The following SDK1 variants were observed in gnomAD, a reference collection of about 807,000 sequenced individuals.
The protein encoded by SDK1 is protein sidekick-1.
A neutral mutation model predicts 245.5 loss-of-function variants in SDK1; 157 were observed. The ratio of observed to expected loss-of-function variants is 0.64; its 90% CI spans 0.56 to 0.73. SDK1 has a LOEUF of 0.73. Among genes scored for constraint, SDK1 ranks in the 30% least tolerant of loss-of-function variants. The pLI, the probability that SDK1 is intolerant of heterozygous loss-of-function variation, is 0.00. For missense variants in SDK1, 3,583 were observed against 3,002.3 expected (o/e 1.19, Z -4.52); for synonymous variants, 1,647 against 1,278.5 (o/e 1.29, Z -6.15).
Position 4,114,286 on chromosome 7 carries a change from G to A in SDK1, c.3823+12G>A, listed in dbSNP as rs777383212. 10 of 1,578,384 alleles carry A rather than the reference G, an allele frequency of 6.3e-6. No homozygotes were observed. The highest frequency in any genetic ancestry group is 6.9e-6 in the Non-Finnish European group (8 of 1,162,316). ...GACGCGGGAGTCAGGTGAGGGGAAGGCGATTCCCATCCTGGAGACACCGCA... is the reference window on the plus strand; with the variant it reads ...GACGCGGGAGTCAGGTGAGGGGAAGACGATTCCCATCCTGGAGACACCGCA... On this transcript the variant is annotated intron_variant, in intron 25 of 44. Transcript: ENST00000404826.
At chr7:4,019,676 C>T (rs1039076377) in intron 17 of SDK1, among the ~76,000 whole-genome samples, 12 of 151,952 alleles carry the variant, frequency 7.9e-5, no homozygotes, top group African/African-American at 2.7e-4. Flanking sequence ...TTCCCATCTG[C>T]AGCTCGGCTT....
intron 5 of SDK1, among the ~76,000 whole-genome samples, chr7:3,838,786 G>T (rs1036688462): frequency 6.6e-6 from 1 of 152,124 alleles, no homozygotes; most frequent in Non-Finnish European, 1.5e-5. Context: ...AGTGGGTGTC[G>T]ATCAAAATGT....
intron 1 of SDK1, among the ~76,000 whole-genome samples, chr7:3,617,467 G>T (rs1184829671): frequency 6.6e-6 from 1 of 152,214 alleles, no homozygotes; most frequent in African/African-American, 2.4e-5. Flanking sequence ...AGCATCCTAG[G>T]TAGAGGAAAG....
chr7:3,765,320 C>T (rs1368521835), intron 4 of SDK1, among the ~76,000 whole-genome samples: 1 of 152,154 alleles, frequency 6.6e-6, no homozygotes, highest in Non-Finnish European at 1.5e-5. Flanking sequence ...AATATATGCC[C>T]ATGAAAATAC....
chr7:3,933,085 CCATCCTCCG>C (rs1780035816), intron 5 of SDK1, among the ~76,000 whole-genome samples: 1 of 151,498 alleles, frequency 6.6e-6, no homozygotes. Context: ...AATCCTCTCT[CCATCCTCCG>C]CATCCTCCGG....
chr7:3,465,691 C>T (rs546379164), intron 1 of SDK1, among the ~76,000 whole-genome samples: 22 of 152,214 alleles, frequency 1.4e-4, no homozygotes, highest in Middle Eastern at 3.4e-3. Flanking sequence ...TTGTCACCTC[C>T]GTATATGATC....
intron 2 of SDK1, among the ~76,000 whole-genome samples, chr7:3,621,108 G>C (rs1169280657): frequency 6.6e-6 from 1 of 152,192 alleles, no homozygotes; most frequent in African/African-American, 2.4e-5. Context: ...CTCATTTGCA[G>C]TGTTGTGAGC....
intron 5 of SDK1, among the ~76,000 whole-genome samples, chr7:3,835,867 T>A (rs1183935971): frequency 6.6e-6 from 1 of 152,230 alleles, no homozygotes; most frequent in Non-Finnish European, 1.5e-5. Context: ...ATCCTGAGTT[T>A]CTGCCACTTA....
intron 13 of SDK1, among the ~76,000 whole-genome samples, chr7:3,975,054 A>G (rs1255117782): frequency 1.3e-5 from 2 of 152,044 alleles, no homozygotes; most frequent in African/African-American, 4.8e-5. Flanking sequence ...ACAGAAAGCA[A>G]CTGCCCGTTA....
chr7:3,545,448 A>G (rs1779190439), intron 1 of SDK1, among the ~76,000 whole-genome samples: 1 of 152,184 alleles, frequency 6.6e-6, no homozygotes, highest in Non-Finnish European at 1.5e-5. Flanking sequence ...GGTTTTCCTC[A>G]TAGCTGTCCC....
At chr7:3,502,759 A>G (rs1782258707) in intron 1 of SDK1, among the ~76,000 whole-genome samples, 1 of 152,212 alleles carries the variant, frequency 6.6e-6, no homozygotes, top group African/African-American at 2.4e-5. Flanking sequence ...TGGAATGAGT[A>G]TATCAGGCTA....
chr7:3,903,982 G>C (rs763643663), intron 5 of SDK1, among the ~76,000 whole-genome samples: 1 of 152,100 alleles, frequency 6.6e-6, no homozygotes, highest in East Asian at 1.9e-4. Flanking sequence ...TCCACCATGA[G>C]TGGAAGCAGC....
chr7:3,955,774 G>T (rs549995196), intron 7 of SDK1, among the ~76,000 whole-genome samples: 3 of 152,204 alleles, frequency 2.0e-5, no homozygotes, highest in Non-Finnish European at 2.9e-5. Context: ...TTGTTGGGGG[G>T]TCCTTCTCCA....
At chr7:3,359,572 G>C (rs1780897609) in intron 1 of SDK1, among the ~76,000 whole-genome samples, 1 of 152,126 alleles carries the variant, frequency 6.6e-6, no homozygotes. Context: ...GATGCATTCA[G>C]ATAAACATTT....
At chr7:4,194,384 ATACATG>A (rs1783451177) in intron 35 of SDK1, among the ~76,000 whole-genome samples, 1 of 112,516 alleles carries the variant, frequency 8.9e-6, no homozygotes, top group East Asian at 2.1e-4. Flanking sequence ...ATGTATGTGT[ATACATG>A]TATACATATA....
intron 4 of SDK1, among the ~76,000 whole-genome samples, chr7:3,812,712 A>G (rs1416675206): frequency 1.3e-5 from 2 of 152,112 alleles, no homozygotes; most frequent in Non-Finnish European, 2.9e-5. Context: ...TCTTTCTCCT[A>G]CTGCAGAAGT....
At chr7:3,805,187 A>G (rs1779210640) in intron 4 of SDK1, among the ~76,000 whole-genome samples, 1 of 152,232 alleles carries the variant, frequency 6.6e-6, no homozygotes, top group African/African-American at 2.4e-5. Flanking sequence ...TATGCTACTA[A>G]AAAATACAGT....
At chr7:3,458,458 A>G (rs534054703) in intron 1 of SDK1, among the ~76,000 whole-genome samples, 1 of 152,068 alleles carries the variant, frequency 6.6e-6, no homozygotes, top group African/African-American at 2.4e-5. Context: ...TCCTGGATTT[A>G]TCTTCAAATT....
intron 4 of SDK1, among the ~76,000 whole-genome samples, chr7:3,648,022 G>A (rs150570344): frequency 6.6e-6 from 1 of 152,268 alleles, no homozygotes; most frequent in East Asian, 1.9e-4. Flanking sequence ...TATCTGAGAA[G>A]TTGAAAACCC....
Sources: allele counts gnomAD v4.1 joint callset (sites outside exome capture counted in the v4.1 genomes callset), GRCh38; gene constraint gnomAD v4.1.1; transcripts MANE v1.5; gene names NCBI Gene and HGNC (gene_info 2026-07-23, HGNC 2026-07-21).